The following CHEK2 variants were observed in gnomAD, a reference collection of about 807,000 sequenced individuals.
CHEK2 encodes checkpoint kinase 2.
CHEK2 carries 71 observed loss-of-function variants against 69.1 expected under a neutral mutation model. That is an observed-to-expected ratio of 1.03 (90% confidence interval 0.85 to 1.25). CHEK2 has a LOEUF of 1.25. Ranked by LOEUF, CHEK2 falls within the 50% of genes most tolerant of loss-of-function variation. The pLI is 0.00. For missense variants in CHEK2, 664 were observed against 649.6 expected (o/e 1.02, Z -0.24); for synonymous variants, 189 against 226.9 (o/e 0.83, Z 1.50).
At chr22:28,714,432 C>T (rs1306671083) in intron 5 of CHEK2, among the ~76,000 whole-genome samples, 3 of 152,008 alleles carry the variant, frequency 2.0e-5, no homozygotes, top group Non-Finnish European at 2.9e-5. Context: ...CAGGATCTCA[C>T]TCTGTCGCCC....
At chr22:28,700,452 T>C (rs1225349769) in intron 8 of CHEK2, among the ~76,000 whole-genome samples, 3 of 152,062 alleles carry the variant, frequency 2.0e-5, no homozygotes, top group Non-Finnish European at 4.4e-5. Flanking sequence ...TGGCCTCAAG[T>C]GATCTGCCCA....
intron 1 of CHEK2, among the ~76,000 whole-genome samples, chr22:28,736,609 C>T (rs1027632086): frequency 6.6e-6 from 1 of 152,208 alleles, no homozygotes; most frequent in African/African-American, 2.4e-5. Flanking sequence ...ACAGAGGCTT[C>T]CACCCTTGTC....
At chr22:28,696,242 AAC>A (rs1192088796) in intron 10 of CHEK2, among the ~76,000 whole-genome samples, 1 of 152,190 alleles carries the variant, frequency 6.6e-6, no homozygotes, top group Non-Finnish European at 1.5e-5. Context: ...GGAGCTTGGA[AAC>A]ACATGCTTAT....
intron 5 of CHEK2, 125 bp from the exon 6 acceptor site, chr22:28,712,142 GT>G (rs760150322): frequency 2.0e-4 from 139 of 701,806 alleles, no homozygotes; most frequent in Non-Finnish European, 3.0e-4. Context: ...CATTGTCCCT[GT>G]TTGCAGAGGA....
intron 1 of CHEK2, among the ~76,000 whole-genome samples, chr22:28,741,397 C>T (rs1195929719): frequency 6.7e-6 from 1 of 149,790 alleles, no homozygotes; most frequent in Admixed American, 6.6e-5. Context: ...CAGCTCAGTG[C>T]GTTTCCAGTC....
At chr22:28,719,792 T>G (rs1405565744) in intron 4 of CHEK2, among the ~76,000 whole-genome samples, 1 of 152,188 alleles carries the variant, frequency 6.6e-6, no homozygotes, top group African/African-American at 2.4e-5. Context: ...AGAATATCAA[T>G]CAATTACACT....
intron 7 of CHEK2, among the ~76,000 whole-genome samples, chr22:28,705,398 C>T (rs1601760127): frequency 6.6e-6 from 1 of 151,924 alleles, no homozygotes; most frequent in African/African-American, 2.4e-5. Context: ...TGAGAGCTGA[C>T]ACAACACTCA....
rs1438704243 is a variant in CHEK2 at position 28,741,748 on chromosome 22, GAAGTTCCCCATATGAC to G, written c.-7+5_-7+20del. On this transcript the variant is annotated splice_donor_5th_base_variant and intron_variant, in intron 1 of 14. Transcript: ENST00000404276. ...GATTCGAACCACCAAACACCCAACA[GAAGTTCCCCATATGAC>G]TCACCGCGTGAGCCCACCTGGAGCC... The G allele has an allele frequency of 2.7e-6, 1 of 364,480 alleles. No individual in the cohort carries two copies. The highest frequency in any genetic ancestry group is 2.1e-5 in the African/African-American group (1 of 48,316). The allele number at this position is 364,480 out of a possible 1,614,324, so 22.6% of individuals were successfully genotyped here.
chr22:28,713,454 G>T (rs997268660), intron 5 of CHEK2, among the ~76,000 whole-genome samples: 7 of 151,396 alleles, frequency 4.6e-5, no homozygotes, highest in African/African-American at 1.5e-4. Flanking sequence ...CCGCCTCCCG[G>T]GTTCACGCCA....
intron 2 of CHEK2, among the ~76,000 whole-genome samples, chr22:28,726,732 G>C (rs986062163): frequency 1.4e-5 from 2 of 146,332 alleles, no homozygotes; most frequent in African/African-American, 5.1e-5. Flanking sequence ...GTAATTTCCT[G>C]CTTATTACCT....
chr22:28,704,348 T>C (rs993788414), intron 7 of CHEK2, among the ~76,000 whole-genome samples: 2 of 152,106 alleles, frequency 1.3e-5, no homozygotes, highest in African/African-American at 4.8e-5. Flanking sequence ...ATTTTCTTTT[T>C]TTGAGACAGA....
rs146997821 is a variant in CHEK2 at position 28,720,806 on chromosome 22, T to C, written c.593-1321A>G. 1.0e-3 allele frequency among the ~76,000 whole-genome samples: 159 copies of C among 152,362 alleles called. 1 individual carries two copies. Among genetic ancestry groups the C allele is most frequent in the African/African-American group, 3.6e-3 (148 of 41,586 alleles). On this transcript the variant is annotated intron_variant, in intron 4 of 14. Coordinates refer to ENST00000404276, the MANE Select transcript of CHEK2 (RefSeq NM_007194.4). ...TATGTTCCAGTGGCATCTGAGAATGTAGAAATTTGATTGGCTCTCATGATG... is the reference window on the plus strand; with the variant it reads ...TATGTTCCAGTGGCATCTGAGAATGCAGAAATTTGATTGGCTCTCATGATG...
intron 5 of CHEK2, among the ~76,000 whole-genome samples, chr22:28,717,770 C>G (rs1320546523): frequency 1.3e-5 from 2 of 151,356 alleles, no homozygotes; most frequent in Non-Finnish European, 2.9e-5. Flanking sequence ...TCCCAGCTAC[C>G]TGGGAGGCTG....
chr22:28,707,293 C>A (rs1208589622), intron 7 of CHEK2, among the ~76,000 whole-genome samples: 1 of 152,232 alleles, frequency 6.6e-6, no homozygotes, highest in Admixed American at 6.5e-5. Flanking sequence ...GCACTGAAAG[C>A]TTTAGGAGTA....
chr22:28,699,362 CTTTTTTTT>C (rs67508991), intron 9 of CHEK2, among the ~76,000 whole-genome samples: 3 of 78,038 alleles, frequency 3.8e-5, no homozygotes, highest in Admixed American at 3.7e-4. Flanking sequence ...AGAGCTTTTT[CTTTTTTTT>C]TTTTTTTTTT....
At chr22:28,735,522 A>C (rs1478552240) in intron 1 of CHEK2, among the ~76,000 whole-genome samples, 1 of 152,184 alleles carries the variant, frequency 6.6e-6, no homozygotes. Flanking sequence ...TCACATAACC[A>C]TTCTGGTTTT....
At chr22:28,709,696 A>C (rs2053312748) in intron 7 of CHEK2, among the ~76,000 whole-genome samples, 1 of 152,042 alleles carries the variant, frequency 6.6e-6, no homozygotes, top group African/African-American at 2.4e-5. Flanking sequence ...GGCTCACTGC[A>C]ATCTCTGCCT....
intron 2 of CHEK2, among the ~76,000 whole-genome samples, chr22:28,729,840 C>G (rs533176457): frequency 7.9e-5 from 12 of 151,994 alleles, no homozygotes; most frequent in African/African-American, 1.2e-4. Context: ...GTCTCCAACT[C>G]GTGGCCTTAA....
chr22:28,717,353 G>A (rs1402508332), intron 5 of CHEK2, among the ~76,000 whole-genome samples: 1 of 152,084 alleles, frequency 6.6e-6, no homozygotes, highest in East Asian at 1.9e-4. Flanking sequence ...ACTCCAGCCT[G>A]GGTGACAGAG....
Sources: allele counts gnomAD v4.1 joint callset (sites outside exome capture counted in the v4.1 genomes callset), GRCh38; gene constraint gnomAD v4.1.1; transcripts MANE v1.5; gene names NCBI Gene and HGNC (gene_info 2026-07-23, HGNC 2026-07-21).